The following KCNQ3 variants were observed in gnomAD, a reference collection of about 807,000 sequenced individuals.
KCNQ3 encodes potassium voltage-gated channel subfamily KQT member 3.
Under a neutral mutation model 92.5 loss-of-function variants are expected in KCNQ3, and 30 were observed. The ratio of observed to expected loss-of-function variants is 0.32; its 90% CI spans 0.24 to 0.44. KCNQ3 has a LOEUF of 0.44. Among genes scored for constraint, KCNQ3 ranks in the 20% least tolerant of loss-of-function variants. KCNQ3 has a pLI of 1.00. For synonymous variants in KCNQ3, 450 were observed against 468.8 expected (o/e 0.96, Z 0.52); for missense variants, 913 against 1,140.3 (o/e 0.80, Z 2.87).
intron 1 of KCNQ3, among the ~76,000 whole-genome samples, chr8:132,281,508 T>C (rs966736919): frequency 1.3e-5 from 2 of 149,028 alleles, no homozygotes; most frequent in African/African-American, 4.9e-5. Flanking sequence ...GGAATATGCA[T>C]ATATATGGAA....
At chr8:132,465,140 G>A (rs971953095) in intron 1 of KCNQ3, among the ~76,000 whole-genome samples, 3 of 152,166 alleles carry the variant, frequency 2.0e-5, no homozygotes, top group African/African-American at 7.2e-5. Flanking sequence ...AGCACAGGGC[G>A]GAAGTCACAG....
chr8:132,434,207 C>CAAAAAA (rs546958236), intron 1 of KCNQ3, among the ~76,000 whole-genome samples: 1 of 130,746 alleles, frequency 7.6e-6, no homozygotes, highest in Non-Finnish European at 1.6e-5. Flanking sequence ...GACTCCGTCT[C>CAAAAAA]AAAAAAAAAA....
intron 9 of KCNQ3, among the ~76,000 whole-genome samples, chr8:132,142,325 C>G (rs1825322274): frequency 6.6e-6 from 1 of 152,134 alleles, no homozygotes; most frequent in Non-Finnish European, 1.5e-5. Flanking sequence ...TCCACCCTTC[C>G]CATCTGGCTG....
At chr8:132,331,474 C>A (rs1462534598) in intron 1 of KCNQ3, among the ~76,000 whole-genome samples, 5 of 152,102 alleles carry the variant, frequency 3.3e-5, no homozygotes, top group African/African-American at 1.2e-4. Flanking sequence ...AAATGGCATC[C>A]CATGGTTAAC....
chr8:132,435,156 A>C (rs1399359679), intron 1 of KCNQ3, among the ~76,000 whole-genome samples: 1 of 152,242 alleles, frequency 6.6e-6, no homozygotes, highest in African/African-American at 2.4e-5. Flanking sequence ...TGAGAAGTTC[A>C]AGGAGCATGC....
chr8:132,243,901 T>G (rs900635599), intron 1 of KCNQ3, among the ~76,000 whole-genome samples: 6 of 152,252 alleles, frequency 3.9e-5, no homozygotes, highest in Non-Finnish European at 7.3e-5. Flanking sequence ...ATTATCATTC[T>G]TGGATTGTGC....
At chr8:132,175,211 G>T (rs377167063) in intron 5 of KCNQ3, among the ~76,000 whole-genome samples, 2 of 152,196 alleles carry the variant, frequency 1.3e-5, no homozygotes, top group African/African-American at 4.8e-5. Context: ...GTCCATAAAC[G>T]ACCATGCAAC....
At chr8:132,309,299 G>A (rs958453543) in intron 1 of KCNQ3, among the ~76,000 whole-genome samples, 2 of 152,064 alleles carry the variant, frequency 1.3e-5, no homozygotes, top group Non-Finnish European at 1.5e-5. Context: ...TGTCCCTCTA[G>A]AGAACCGTAA....
intron 1 of KCNQ3, among the ~76,000 whole-genome samples, chr8:132,297,540 CACT>C (rs1817079075): frequency 1.3e-5 from 2 of 152,150 alleles, no homozygotes; most frequent in African/African-American, 4.8e-5. Context: ...GAGCCTTTCC[CACT>C]ACAGCACAAA....
At chr8:132,395,328 T>C (rs1043411983) in intron 1 of KCNQ3, among the ~76,000 whole-genome samples, 1 of 152,178 alleles carries the variant, frequency 6.6e-6, no homozygotes, top group African/African-American at 2.4e-5. Flanking sequence ...ACTATGGTCA[T>C]CCTACAGGAG....
chr8:132,362,947 G>A (rs866548877), intron 1 of KCNQ3, among the ~76,000 whole-genome samples: 2 of 152,168 alleles, frequency 1.3e-5, no homozygotes, highest in African/African-American at 4.8e-5. Flanking sequence ...AGGCTAGAGG[G>A]AAGGAGAGGC....
chr8:132,287,359 C>T (rs1023867204), intron 1 of KCNQ3, among the ~76,000 whole-genome samples: 1 of 152,280 alleles, frequency 6.6e-6, no homozygotes, highest in Middle Eastern at 3.4e-3. Context: ...TGAGGCCCAA[C>T]TAAAGACATT....
At chr8:132,359,370 C>T (rs1280526673) in intron 1 of KCNQ3, among the ~76,000 whole-genome samples, 2 of 152,146 alleles carry the variant, frequency 1.3e-5, no homozygotes, top group African/African-American at 2.4e-5. Flanking sequence ...AGGCTCCTTG[C>T]TCCTTCTCTC....
At chr8:132,289,361 A>C (rs1457521818) in intron 1 of KCNQ3, among the ~76,000 whole-genome samples, 1 of 152,218 alleles carries the variant, frequency 6.6e-6, no homozygotes, top group Admixed American at 6.5e-5. Context: ...TTGGTGACCT[A>C]AAATCAGTAT....
At chr8:132,154,719 G>C (rs2130033485) in intron 9 of KCNQ3, among the ~76,000 whole-genome samples, 1 of 152,262 alleles carries the variant, frequency 6.6e-6, no homozygotes, top group South Asian at 2.1e-4. Flanking sequence ...TTCCAACTGA[G>C]AGATGGAAAC....
intron 1 of KCNQ3, among the ~76,000 whole-genome samples, chr8:132,370,351 C>T (rs1330777099): frequency 6.6e-6 from 1 of 152,236 alleles, no homozygotes; most frequent in Non-Finnish European, 1.5e-5. Context: ...AAACTTCTTG[C>T]AGAAAGCTGA....
intron 1 of KCNQ3, among the ~76,000 whole-genome samples, chr8:132,213,536 C>T (rs569014284): frequency 3.9e-5 from 6 of 152,320 alleles, no homozygotes; most frequent in African/African-American, 1.4e-4. Flanking sequence ...GACCCAAGAC[C>T]CAATCCAATC....
At chr8:132,405,090 G>T (rs1820441477) in intron 1 of KCNQ3, among the ~76,000 whole-genome samples, 1 of 152,168 alleles carries the variant, frequency 6.6e-6, no homozygotes, top group Non-Finnish European at 1.5e-5. Flanking sequence ...AGGGGTGAAA[G>T]CACAACAGCA....
At chr8:132,359,146 G>C (rs912512849) in intron 1 of KCNQ3, among the ~76,000 whole-genome samples, 1 of 152,170 alleles carries the variant, frequency 6.6e-6, no homozygotes, top group African/African-American at 2.4e-5. Context: ...CAAATACAGT[G>C]ATGAAGCATC....
Sources: gnomAD v4.1 joint callset for allele counts (sites outside exome capture counted in the v4.1 genomes callset) on GRCh38, gnomAD v4.1.1 for gene constraint, MANE v1.5 for transcripts, NCBI Gene and HGNC (gene_info 2026-07-23, HGNC 2026-07-21) for gene names.